KRTAP5-6: variants seen among roughly 807,000 people sequenced by gnomAD.
The protein encoded by KRTAP5-6 is keratin associated protein 5-6, also known as keratin-associated protein 5-6.
For missense variants in KRTAP5-6, 175 were observed against 157.6 expected (o/e 1.11, Z -0.59); for synonymous variants, 57 against 61.7 (o/e 0.92, Z 0.36).
chr11:1,697,556 G>A lies in KRTAP5-6; in HGVS notation c.311G>A (p.Cys104Tyr). The change falls in exon 1 of 1, where the codon TGC becomes TAC. Residue 104 changes from cysteine (C) to tyrosine (Y), a missense_variant. Cys to Tyr is a radical substitution (Grantham distance 194, BLOSUM62 -2). Transcript: ENST00000382160. ...TGTTCCTCAGGCTGTGGGTCATCCT[G>A]CTGCCAGTCCAGCTGCTGCAAGCCC... Reference protein sequence around the residue: ...CYCSSGCGSSCCQSSCCKPCC... With the variant: ...CYCSSGCGSSYCQSSCCKPCC... The A allele has an allele frequency of 6.2e-7, 1 of 1,614,100 alleles. No individual in the cohort carries two copies. The highest frequency in any genetic ancestry group is 1.6e-4 in the Middle Eastern group (1 of 6,062).
Position 1,697,588 on chromosome 11 carries a change from T to C in KRTAP5-6, c.343T>C (p.Ser115Pro). 1.2e-6 allele frequency: 2 copies of C among 1,614,104 alleles called. No individual in the cohort carries two copies. Among genetic ancestry groups the C allele is most frequent in the East Asian group, 2.2e-5 (1 of 44,884 alleles). ...GTCCAGCTGCTGCAAGCCCTGCTGT[T>C]CCCAGGCCAGCTGCTGTGTCCCCAT... The part of the protein sequence containing the change: ...CQSSCCKPCC[S>P]QASCCVPICC... Residue 115 changes from serine (S) to proline (P), a missense_variant, in exon 1 of 1, where the codon TCC (serine) becomes CCC (proline). Ser to Pro is a moderately conservative substitution (Grantham distance 74, BLOSUM62 -1). Transcript: ENST00000382160.
rs752167182 is a variant in KRTAP5-6 at position 1,697,388 on chromosome 11, C to A, written c.143C>A (p.Thr48Asn). The A allele has an allele frequency of 4.3e-6, 7 of 1,612,222 alleles. No individual in the cohort carries two copies. The highest frequency in any genetic ancestry group is 5.9e-6 in the Non-Finnish European group (7 of 1,179,810). The change falls in exon 1 of 1, where the codon ACC becomes AAC. Residue 48 changes from threonine (T) to asparagine (N), a missense_variant. Transcript: ENST00000382160. The part of the protein sequence containing the change: ...VCCCVPACSC[T>N]SCGSCGGSKG... ...TGCTGTGTGCCAGCCTGTTCCTGCA[C>A]CAGCTGTGGCTCTTGTGGGGGCTCC...
Position 1,697,633 on chromosome 11 carries a change from TG to T in KRTAP5-6, c.389del (p.Ter130=). The T allele has an allele frequency of 6.2e-7, 1 of 1,614,174 alleles. No individual in the cohort carries two copies. Among genetic ancestry groups the T allele is most frequent in the Non-Finnish European group, 8.5e-7 (1 of 1,180,022 alleles). On this transcript the variant is annotated frameshift_variant and stop_lost, in exon 1 of 1. Transcript: ENST00000382160. LOFTEE classifies it high-confidence loss of function. ...CCCCATTTGCTGCCAGTGCAAAATC[TG>T]AGGCTCTGACTTTGGACCTCAGGTG... is the stretch of plus-strand genomic sequence containing the variant. ...CVPICCQCKI* is the reference protein window; with the variant it reads ...CVPICCQCKIX
At position 1,697,562 on chromosome 11, in the gene KRTAP5-6, A is replaced by C. The variant is rs759610168; in HGVS notation, c.317A>C (p.Gln106Pro). The change falls in exon 1 of 1, where the codon CAG (glutamine) becomes CCG (proline). Residue 106 changes from glutamine to proline, a missense_variant. Coordinates refer to ENST00000382160, the MANE Select transcript of KRTAP5-6 (RefSeq NM_001012416.1). Reference protein sequence around the residue: ...CSSGCGSSCCQSSCCKPCCSQ... With the variant: ...CSSGCGSSCCPSSCCKPCCSQ... ...TCAGGCTGTGGGTCATCCTGCTGCC[A>C]GTCCAGCTGCTGCAAGCCCTGCTGT... is the stretch of plus-strand genomic sequence containing the variant. 32 of 1,613,706 alleles carry C rather than the reference A, an allele frequency of 2.0e-5. 2 individuals are homozygous for C. The Middle Eastern group carries it at 8.2e-4, about 41-fold the overall frequency.
In KRTAP5-6 at chr11:1,697,698, C is replaced by T; in HGVS notation, c.*63C>T. ...CACACCACCCAAGAAGTGACCAGTG[C>T]TGCATTTCAGTTCTGGCTGTCCCAC... On this transcript the variant is annotated 3_prime_UTR_variant, in exon 1 of 1. Coordinates refer to ENST00000382160, the MANE Select transcript of KRTAP5-6 (RefSeq NM_001012416.1). The T allele has an allele frequency of 6.2e-7, 1 of 1,600,944 alleles. No homozygotes were observed. Among genetic ancestry groups the T allele is most frequent in the Non-Finnish European group, 8.5e-7 (1 of 1,171,168 alleles).
rs748483466 is a variant in KRTAP5-6, at chr11:1,697,313, G to C, written c.68G>C (p.Gly23Ala). 31 of 1,613,398 alleles carry C rather than the reference G, an allele frequency of 1.9e-5. No homozygotes were observed. The highest frequency in any genetic ancestry group is 2.6e-5 in the Non-Finnish European group (31 of 1,180,012). The change falls in exon 1 of 1, where the codon GGC becomes GCC. Residue 23 changes from glycine to alanine, a missense_variant. By Grantham distance (60) the Gly-to-Ala change is moderately conservative. Transcript: ENST00000382160. ...GCGGCGSGCG[G>A]CGSSCCVPIC... Reference sequence around the variant, plus strand: ...GGGGGCTGTGGCTCTGGCTGTGGGGGCTGTGGGTCCAGCTGCTGTGTGCCC... The same window carrying C: ...GGGGGCTGTGGCTCTGGCTGTGGGGCCTGTGGGTCCAGCTGCTGTGTGCCC...
At position 1,697,692 on chromosome 11, in the gene KRTAP5-6, C is replaced by T; in HGVS notation, c.*57C>T. ...CATATCCACACCACCCAAGAAGTGA[C>T]CAGTGCTGCATTTCAGTTCTGGCTG... On this transcript the variant is annotated 3_prime_UTR_variant, in exon 1 of 1. Transcript: ENST00000382160. 2 of 1,607,344 alleles carry T rather than the reference C, an allele frequency of 1.2e-6. No homozygotes were observed. The highest frequency in any genetic ancestry group is 1.7e-6 in the Non-Finnish European group (2 of 1,175,568).
In KRTAP5-6 at chr11:1,697,692, C is replaced by G; in HGVS notation, c.*57C>G. 1 of 1,607,344 alleles carries G rather than the reference C, an allele frequency of 6.2e-7. No individual in the cohort carries two copies. The highest frequency in any genetic ancestry group is 1.1e-5 in the South Asian group (1 of 90,126). On this transcript the variant is annotated 3_prime_UTR_variant, in exon 1 of 1. Transcript: ENST00000382160. ...CATATCCACACCACCCAAGAAGTGA[C>G]CAGTGCTGCATTTCAGTTCTGGCTG...
chr11:1,697,717 G>A lies in KRTAP5-6; in HGVS notation c.*82G>A. ...CCAGTGCTGCATTTCAGTTCTGGCT[G>A]TCCCACAGCTCCAGGAGTTGTGTCC... On this transcript the variant is annotated 3_prime_UTR_variant, in exon 1 of 1. Transcript: ENST00000382160. 2 of 1,576,294 alleles carry A rather than the reference G, an allele frequency of 1.3e-6. No individual in the cohort carries two copies. Among genetic ancestry groups the A allele is most frequent in the Non-Finnish European group, 8.7e-7 (1 of 1,154,010 alleles).
Position 1,697,469 on chromosome 11 carries a change from G to T in KRTAP5-6, c.224G>T (p.Gly75Val). ...GSKGGCGSCG[G>V]SKGGCGSCGC... ...AAAGGGGGCTGTGGCTCTTGTGGGG[G>T]CTCCAAGGGAGGCTGTGGCTCTTGT... is the stretch of plus-strand genomic sequence containing the variant. Residue 75 changes from glycine (G) to valine (V), a missense_variant, in exon 1 of 1, where the codon GGC becomes GTC. Physicochemically the swap from Gly to Val is moderately radical, Grantham distance 109 (BLOSUM62 -3). Transcript: ENST00000382160. 1 of 1,613,574 alleles carries T rather than the reference G, an allele frequency of 6.2e-7. No homozygotes were observed. The highest frequency in any genetic ancestry group is 8.5e-7 in the Non-Finnish European group (1 of 1,179,960).
At position 1,697,699 on chromosome 11, in the gene KRTAP5-6, T is replaced by A; in HGVS notation, c.*64T>A. On this transcript the variant is annotated 3_prime_UTR_variant, in exon 1 of 1. Transcript: ENST00000382160. ...ACACCACCCAAGAAGTGACCAGTGC[T>A]GCATTTCAGTTCTGGCTGTCCCACA... 1 of 1,600,032 alleles carries A rather than the reference T, an allele frequency of 6.2e-7. No individual in the cohort carries two copies. The highest frequency in any genetic ancestry group is 2.2e-5 in the East Asian group (1 of 44,746).
In KRTAP5-6 at chr11:1,697,669, T is replaced by G. The variant is rs568835250; in HGVS notation, c.*34T>G. 4.3e-6 allele frequency: 7 copies of G among 1,613,540 alleles called. No homozygotes were observed. In the African/African-American group the frequency reaches 9.3e-5, roughly 22 times the overall value. ...CTTTGGACCTCAGGTGAGTCCAGCA[T>G]ATCCACACCACCCAAGAAGTGACCA... On this transcript the variant is annotated 3_prime_UTR_variant, in exon 1 of 1. Transcript: ENST00000382160.
chr11:1,697,409 G>C lies in KRTAP5-6; in HGVS notation c.164G>C (p.Gly55Ala). ...TGCACCAGCTGTGGCTCTTGTGGGG[G>C]CTCCAAGGGGTGCTGTGGCTCTTGT... is the stretch of plus-strand genomic sequence containing the variant. ...CSCTSCGSCG[G>A]SKGCCGSCGG... The change falls in exon 1 of 1, where the codon GGC becomes GCC. Residue 55 changes from glycine to alanine, a missense_variant. Gly to Ala is a moderately conservative substitution (Grantham distance 60). Transcript: ENST00000382160. 6.2e-7 allele frequency: 1 copy of C among 1,612,832 alleles called. No individual in the cohort carries two copies. Among genetic ancestry groups the C allele is most frequent in the Middle Eastern group, 1.9e-4 (1 of 5,340 alleles).
chr11:1,697,324 A>G lies in KRTAP5-6; in HGVS notation c.79A>G (p.Ser27Gly). ...CTCTGGCTGTGGGGGCTGTGGGTCCAGCTGCTGTGTGCCCATCTGCTGCTG... is the reference window on the plus strand; with the variant it reads ...CTCTGGCTGTGGGGGCTGTGGGTCCGGCTGCTGTGTGCCCATCTGCTGCTG... ...CGSGCGGCGS[S>G]CCVPICCCKP... Residue 27 changes from serine to glycine, a missense_variant, in exon 1 of 1, where the codon AGC (serine) becomes GGC (glycine). Coordinates refer to ENST00000382160, the MANE Select transcript of KRTAP5-6 (RefSeq NM_001012416.1). The G allele has an allele frequency of 6.2e-7, 1 of 1,612,670 alleles. No individual in the cohort carries two copies. Among genetic ancestry groups the G allele is most frequent in the Non-Finnish European group, 8.5e-7 (1 of 1,179,862 alleles).
rs1850700741 is a variant in KRTAP5-6 at position 1,697,389 on chromosome 11, C to T, written c.144C>T (p.Thr48=). 3 of 1,612,444 alleles carry T rather than the reference C, an allele frequency of 1.9e-6. No individual in the cohort carries two copies. In the South Asian group the frequency reaches 3.3e-5, roughly 18 times the overall value. ...GCTGTGTGCCAGCCTGTTCCTGCACCAGCTGTGGCTCTTGTGGGGGCTCCA... is the reference window on the plus strand; with the variant it reads ...GCTGTGTGCCAGCCTGTTCCTGCACTAGCTGTGGCTCTTGTGGGGGCTCCA... ...VCCCVPACSC[T]SCGSCGGSKG... Residue 48 remains threonine, a synonymous_variant, in exon 1 of 1, where the codon ACC becomes ACT. Coordinates refer to ENST00000382160, the MANE Select transcript of KRTAP5-6 (RefSeq NM_001012416.1).
rs1850699454 is a variant in KRTAP5-6, at chr11:1,697,298, G to A, written c.53G>A (p.Gly18Asp). ...GGCGSGCGGC[G>D]SGCGGCGSSC... The stretch of plus-strand genomic sequence containing the variant: ...TGTGGCTCCGGCTGTGGGGGCTGTG[G>A]CTCTGGCTGTGGGGGCTGTGGGTCC... The change falls in exon 1 of 1, where the codon GGC becomes GAC. Residue 18 changes from glycine (G) to aspartate (D), a missense_variant. Coordinates refer to ENST00000382160, the MANE Select transcript of KRTAP5-6 (RefSeq NM_001012416.1). 6.2e-7 allele frequency: 1 copy of A among 1,612,950 alleles called. No individual in the cohort carries two copies. The highest frequency in any genetic ancestry group is 8.5e-7 in the Non-Finnish European group (1 of 1,179,786).
At position 1,697,745 on chromosome 11, in the gene KRTAP5-6, T is replaced by C; in HGVS notation, c.*110T>C. 2.7e-6 allele frequency: 4 copies of C among 1,490,570 alleles called. No homozygotes were observed. The highest frequency in any genetic ancestry group is 3.7e-6 in the Non-Finnish European group (4 of 1,089,156). The allele number at this position is 1,490,570 out of a possible 1,614,324, so 92.3% of individuals were successfully genotyped here. ...CCACAGCTCCAGGAGTTGTGTCCCCTGAATTTTGCAGAAGGTGATGACTCC... is the reference window on the plus strand; with the variant it reads ...CCACAGCTCCAGGAGTTGTGTCCCCCGAATTTTGCAGAAGGTGATGACTCC... On this transcript the variant is annotated 3_prime_UTR_variant, in exon 1 of 1. Transcript: ENST00000382160.
At position 1,697,722 on chromosome 11, in the gene KRTAP5-6, A is replaced by T. The variant is rs533880875; in HGVS notation, c.*87A>T. 51 of 1,571,010 alleles carry T rather than the reference A, an allele frequency of 3.2e-5. No individual in the cohort carries two copies. In the South Asian group the frequency reaches 5.8e-4, roughly 18 times the overall value. ...GCTGCATTTCAGTTCTGGCTGTCCC[A>T]CAGCTCCAGGAGTTGTGTCCCCTGA... is the stretch of plus-strand genomic sequence containing the variant. On this transcript the variant is annotated 3_prime_UTR_variant, in exon 1 of 1. Coordinates refer to ENST00000382160, the MANE Select transcript of KRTAP5-6 (RefSeq NM_001012416.1).
chr11:1,697,391 G>C lies in KRTAP5-6; in HGVS notation c.146G>C (p.Ser49Thr), dbSNP rs561591624. ...TGTGTGCCAGCCTGTTCCTGCACCA[G>C]CTGTGGCTCTTGTGGGGGCTCCAAG... ...CCCVPACSCT[S>T]CGSCGGSKGC... The change falls in exon 1 of 1, where the codon AGC becomes ACC. Residue 49 changes from serine (S) to threonine (T), a missense_variant. By Grantham distance (58) the Ser-to-Thr change is moderately conservative (BLOSUM62 1). Transcript: ENST00000382160. The C allele has an allele frequency of 3.1e-6, 5 of 1,612,914 alleles. No homozygotes were observed. Among genetic ancestry groups the C allele is most frequent in the Non-Finnish European group, 4.2e-6 (5 of 1,179,914 alleles).
Sources: gnomAD v4.1 joint callset for allele counts on GRCh38, gnomAD v4.1.1 for gene constraint, MANE v1.5 for transcripts, NCBI Gene and HGNC (gene_info 2026-07-23, HGNC 2026-07-21) for gene names.